The following TAFA4 variants were observed in gnomAD, a reference collection of about 807,000 sequenced individuals.
TAFA4 encodes the protein chemokine-like protein TAFA-4.
A neutral mutation model predicts 21.1 loss-of-function variants in TAFA4; 20 were observed. That is an observed-to-expected ratio of 0.95 (90% CI 0.67 to 1.38). The LOEUF is 1.38. TAFA4 is among the 40% of genes most tolerant of loss of function. TAFA4 has a pLI of 0.00. For missense variants in TAFA4, 211 were observed against 180.9 expected (o/e 1.17, Z -0.95); for synonymous variants, 71 against 67.4 (o/e 1.05, Z -0.26).
rs552395748 is a variant in TAFA4 at position 68,843,640 on chromosome 3, A to G, written c.130+37090T>C. On this transcript the variant is annotated intron_variant, in intron 3 of 5. Coordinates refer to ENST00000295569, the MANE Select transcript of TAFA4 (RefSeq NM_182522.5). ...TCCACGTTTTGCCATTCAGCATGAT[A>G]TTGGCTGTGGGTCTGTCATAAATAG... Among the ~76,000 whole-genome samples, 32 of 152,322 alleles carry G rather than the reference A, an allele frequency of 2.1e-4. No homozygotes were observed. The South Asian group carries it at 3.9e-3, about 19-fold the overall frequency.
At chr3:68,908,018 A>G (rs1200141312) in intron 1 of TAFA4, among the ~76,000 whole-genome samples, 1 of 152,144 alleles carries the variant, frequency 6.6e-6, no homozygotes, top group Non-Finnish European at 1.5e-5. Context: ...TTTCATACTC[A>G]CTGAAGCTGG....
chr3:68,864,780 T>C (rs181022319), intron 3 of TAFA4, among the ~76,000 whole-genome samples: 1 of 152,256 alleles, frequency 6.6e-6, no homozygotes, highest in East Asian at 1.9e-4. Context: ...GTGTGTCAAC[T>C]TAAAATGTTT....
At chr3:68,917,729 G>A (rs1191425802) in intron 1 of TAFA4, among the ~76,000 whole-genome samples, 1 of 140,430 alleles carries the variant, frequency 7.1e-6, no homozygotes, top group Non-Finnish European at 1.5e-5. Context: ...ACTCCAGCCT[G>A]GACGACAGAG....
intron 1 of TAFA4, among the ~76,000 whole-genome samples, chr3:68,916,548 A>C (rs1330179964): frequency 6.6e-6 from 1 of 152,210 alleles, no homozygotes; most frequent in Non-Finnish European, 1.5e-5. Flanking sequence ...ACTAGGTCCC[A>C]ACTTCATTTA....
chr3:68,893,151 G>T (rs1007017762), intron 1 of TAFA4, among the ~76,000 whole-genome samples: 12 of 152,140 alleles, frequency 7.9e-5, no homozygotes, highest in African/African-American at 7.2e-5. Context: ...AAAACAGAAT[G>T]TCTAAGGATT....
intron 3 of TAFA4, among the ~76,000 whole-genome samples, chr3:68,832,949 G>A (rs932787971): frequency 6.6e-5 from 10 of 152,200 alleles, no homozygotes; most frequent in Admixed American, 5.2e-4. Flanking sequence ...CAGCATCCCA[G>A]GTCAATCTCA....
chr3:68,926,371 T>A (rs961955184), intron 1 of TAFA4, among the ~76,000 whole-genome samples: 1 of 152,196 alleles, frequency 6.6e-6, no homozygotes, highest in Non-Finnish European at 1.5e-5. Flanking sequence ...CCTTTTATAT[T>A]TTTCTGCAAT....
intron 3 of TAFA4, among the ~76,000 whole-genome samples, chr3:68,790,086 A>G (rs1332039491): frequency 6.6e-6 from 1 of 152,224 alleles, no homozygotes; most frequent in Non-Finnish European, 1.5e-5. Flanking sequence ...AGCAAAAATT[A>G]TAACATTTTC....
chr3:68,913,897 G>A (rs897597274), intron 1 of TAFA4, among the ~76,000 whole-genome samples: 2 of 152,120 alleles, frequency 1.3e-5, no homozygotes, highest in Non-Finnish European at 2.9e-5. Context: ...ACCCAATTAA[G>A]TGTGTTAATA....
intron 3 of TAFA4, among the ~76,000 whole-genome samples, chr3:68,789,112 T>A (rs908129178): frequency 3.3e-5 from 5 of 151,742 alleles, no homozygotes; most frequent in African/African-American, 1.2e-4. Context: ...AGGTGCCTAG[T>A]CCCAGCTACT....
At chr3:68,741,700 G>A (rs984634840) in intron 4 of TAFA4, among the ~76,000 whole-genome samples, 5 of 152,098 alleles carry the variant, frequency 3.3e-5, no homozygotes, top group Admixed American at 2.6e-4. Flanking sequence ...GCTGAGGCAG[G>A]AGAATGGTGT....
At chr3:68,777,340 T>C (rs1236034036) in intron 3 of TAFA4, among the ~76,000 whole-genome samples, 2 of 152,090 alleles carry the variant, frequency 1.3e-5, no homozygotes, top group Non-Finnish European at 2.9e-5. Flanking sequence ...AGGGTAGCAC[T>C]GTCCAAGAAA....
intron 1 of TAFA4, among the ~76,000 whole-genome samples, chr3:68,908,759 ACAAAAGTATACTACT>A (rs2106999652): frequency 6.6e-6 from 1 of 152,360 alleles, no homozygotes; most frequent in East Asian, 1.9e-4. Context: ...TGTTTCATTA[ACAAAAGTATACTACT>A]CAAAAGTACA....
intron 3 of TAFA4, among the ~76,000 whole-genome samples, chr3:68,804,452 T>G (rs2106832704): frequency 6.6e-6 from 1 of 152,248 alleles, no homozygotes; most frequent in East Asian, 1.9e-4. Flanking sequence ...AAAACTACTT[T>G]AAAGTTCATA....
intron 1 of TAFA4, among the ~76,000 whole-genome samples, chr3:68,900,915 G>T (rs2106983847): frequency 6.6e-6 from 1 of 152,234 alleles, no homozygotes; most frequent in Admixed American, 6.5e-5. Flanking sequence ...AACATCCCCA[G>T]CCCCCATCAA....
intron 3 of TAFA4, among the ~76,000 whole-genome samples, chr3:68,874,393 T>C (rs1384195291): frequency 6.6e-6 from 1 of 152,076 alleles, no homozygotes; most frequent in Non-Finnish European, 1.5e-5. Context: ...CAAAACGTCA[T>C]TTTTCTTCCT....
At chr3:68,804,667 A>G (rs563437446) in intron 3 of TAFA4, among the ~76,000 whole-genome samples, 1 of 152,280 alleles carries the variant, frequency 6.6e-6, no homozygotes, top group African/African-American at 2.4e-5. Context: ...CAACTATCTG[A>G]TCTTTGACAA....
intron 3 of TAFA4, among the ~76,000 whole-genome samples, chr3:68,766,583 G>T (rs999174928): frequency 6.7e-6 from 1 of 148,950 alleles, no homozygotes. Context: ...CAAAAGCAAA[G>T]ATAAAGAGAT....
At chr3:68,882,439 C>T (rs1486608846) in intron 2 of TAFA4, among the ~76,000 whole-genome samples, 4 of 152,164 alleles carry the variant, frequency 2.6e-5, no homozygotes, top group African/African-American at 9.7e-5. Flanking sequence ...GCTCACATTT[C>T]CACATGGGAG....
Sources: gnomAD v4.1 joint callset for allele counts (sites outside exome capture counted in the v4.1 genomes callset) on GRCh38, gnomAD v4.1.1 for gene constraint, MANE v1.5 for transcripts, NCBI Gene and HGNC (gene_info 2026-07-23, HGNC 2026-07-21) for gene names.